The following LIFR variants were observed in gnomAD, a reference collection of about 807,000 sequenced individuals.
LIFR encodes LIF receptor subunit alpha, also known as leukemia inhibitory factor receptor.
A neutral mutation model predicts 122.2 loss-of-function variants in LIFR; 84 were observed. The ratio of observed to expected loss-of-function variants is 0.69; its 90% CI spans 0.58 to 0.82. The LOEUF (loss-of-function observed/expected upper bound fraction) is 0.82, where lower values mean the gene tolerates loss of function less well. Ranked by LOEUF, LIFR falls within the 40% of genes least tolerant of loss-of-function variation. The pLI, the probability that LIFR is intolerant of heterozygous loss-of-function variation, is 0.00. For synonymous variants in LIFR, 422 were observed against 434.7 expected, an observed-to-expected ratio of 0.97 and a Z score of 0.36; for missense variants, 1,294 against 1,311.6, an observed-to-expected ratio of 0.99 and a Z score of 0.21.
upstream of LIFR, among the ~76,000 whole-genome samples, chr5:38,597,803 C>T (rs1007294172): frequency 5.3e-5 from 8 of 152,150 alleles, no homozygotes; most frequent in Non-Finnish European, 1.2e-4. Flanking sequence ...GCAAGTATTT[C>T]ATGGGCTTAG....
At chr5:38,568,749 C>T (rs528477046) in intron 1 of LIFR, among the ~76,000 whole-genome samples, 2 of 152,142 alleles carry the variant, frequency 1.3e-5, no homozygotes, top group Admixed American at 1.3e-4. Context: ...TATAATGCAC[C>T]TTACAGCCAT....
intron 8 of LIFR, 139 bp downstream of exon 8, chr5:38,506,364 A>G (rs1018662551): frequency 1.9e-5 from 19 of 988,096 alleles, no homozygotes; most frequent in East Asian, 1.7e-4. Context: ...TGCAGTGCTT[A>G]TAAGTGTAAT....
intron 9 of LIFR, among the ~76,000 whole-genome samples, chr5:38,505,401 T>TACACACACACACAC (rs58882043): frequency 7.2e-6 from 1 of 139,388 alleles, no homozygotes; most frequent in African/African-American, 2.7e-5. Context: ...TGCATAGAAC[T>TACACACACACACAC]ACACACACAC....
upstream of LIFR, among the ~76,000 whole-genome samples, chr5:38,600,375 A>G (rs1023466027): frequency 6.6e-6 from 1 of 152,162 alleles, no homozygotes; most frequent in Non-Finnish European, 1.5e-5. Context: ...CAAATACTCT[A>G]CAGAGTTTGA....
At chr5:38,506,838 A>G (rs1324199020) in intron 7 of LIFR, among the ~76,000 whole-genome samples, 1 of 152,216 alleles carries the variant, frequency 6.6e-6, no homozygotes, top group Non-Finnish European at 1.5e-5. Context: ...AGATTAAAAT[A>G]TACTGAAAAA....
chr5:38,565,713 A>C (rs1478789078), intron 1 of LIFR, among the ~76,000 whole-genome samples: 1 of 151,472 alleles, frequency 6.6e-6, no homozygotes, highest in Non-Finnish European at 1.5e-5. Flanking sequence ...TCAGCCTCCC[A>C]AGTAGCTGGG....
At chr5:38,512,876 G>A (rs969770553) in intron 5 of LIFR, among the ~76,000 whole-genome samples, 3 of 152,162 alleles carry the variant, frequency 2.0e-5, no homozygotes, top group Non-Finnish European at 4.4e-5. Context: ...AAGTCAAGGA[G>A]AGGGGCAGCA....
At chr5:38,505,817 C>T in intron 9 of LIFR, 88 bp downstream of exon 9, 2 of 690,854 alleles carry the variant, frequency 2.9e-6, no homozygotes, top group Non-Finnish European at 4.6e-6. Context: ...AAATAATCAG[C>T]AAAAAGTAAT....
intron 14 of LIFR, among the ~76,000 whole-genome samples, chr5:38,492,797 G>A (rs1258797461): frequency 6.6e-6 from 1 of 152,148 alleles, no homozygotes; most frequent in Non-Finnish European, 1.5e-5. Context: ...GAATGATCAC[G>A]AAGCATCACT....
upstream of LIFR, among the ~76,000 whole-genome samples, chr5:38,598,258 TTC>T (rs1276623321): frequency 0.06 from 3,199 of 53,500 alleles, 743 homozygotes; most frequent in Non-Finnish European, 0.077. Flanking sequence ...TTTTTTTTTT[TTC>T]TTTTTAGAGG....
At chr5:38,527,728 TTTC>T (rs1746770556) in intron 3 of LIFR, among the ~76,000 whole-genome samples, 1 of 152,172 alleles carries the variant, frequency 6.6e-6, no homozygotes, top group Non-Finnish European at 1.5e-5. Flanking sequence ...TGGCTCATGG[TTTC>T]TTCTTAACAG....
intron 1 of LIFR, among the ~76,000 whole-genome samples, chr5:38,573,009 C>A (rs938587666): frequency 3.3e-5 from 5 of 152,196 alleles, no homozygotes; most frequent in Admixed American, 1.3e-4. Context: ...GTGTTCTAAC[C>A]ATTGATCCAC....
intron 1 of LIFR, among the ~76,000 whole-genome samples, chr5:38,545,746 C>T (rs1243477396): frequency 6.6e-6 from 1 of 151,258 alleles, no homozygotes; most frequent in Non-Finnish European, 1.5e-5. Flanking sequence ...CCTGTAGTCC[C>T]AGCTATGTGG....
At chr5:38,600,218 AC>A (rs1750197541), upstream of LIFR, among the ~76,000 whole-genome samples, 1 of 152,188 alleles carries the variant, frequency 6.6e-6, no homozygotes, top group Non-Finnish European at 1.5e-5. Flanking sequence ...TGTACATCTT[AC>A]ATGTGTTTGA....
intron 1 of LIFR, among the ~76,000 whole-genome samples, chr5:38,536,218 T>A (rs965391289): frequency 6.6e-6 from 1 of 152,150 alleles, no homozygotes; most frequent in Non-Finnish European, 1.5e-5. Context: ...TAAGGTTTTT[T>A]AAGAATGAAA....
At chr5:38,547,958 T>C (rs936569353) in intron 1 of LIFR, among the ~76,000 whole-genome samples, 1 of 152,100 alleles carries the variant, frequency 6.6e-6, no homozygotes, top group Admixed American at 6.6e-5. Flanking sequence ...AAATATAGTA[T>C]CATAATCTAA....
At position 38,481,967 on chromosome 5, in the gene LIFR, G is replaced by A; in HGVS notation, c.2922C>T (p.Tyr974=). The A allele has an allele frequency of 6.2e-7, 1 of 1,614,144 alleles. No individual in the cohort carries two copies. The highest frequency in any genetic ancestry group is 1.1e-5 in the South Asian group (1 of 91,072). ...DEAGGTAQVI[Y]IDVQSMYQPQ... is the part of the protein sequence containing the mutation. ...GCTGATACATCGACTGAACATCAATGTAAATAACCTGTGCAGTCCCTCCAG... is the reference window on the plus strand; with the variant it reads ...GCTGATACATCGACTGAACATCAATATAAATAACCTGTGCAGTCCCTCCAG... The change falls in exon 20 of 20, where the codon TAC becomes TAT. Residue 974 remains tyrosine (Y), a synonymous_variant. Transcript: ENST00000453190.
Position 38,481,750 on chromosome 5 carries a change from A to G in LIFR, c.3139T>C (p.Ser1047Pro). 1 of 1,614,134 alleles carries G rather than the reference A, an allele frequency of 6.2e-7. No homozygotes were observed. Among genetic ancestry groups the G allele is most frequent in the South Asian group, 1.1e-5 (1 of 91,076 alleles). The change falls in exon 20 of 20, where the codon TCC (serine) becomes CCC (proline). Residue 1047 changes from serine (S) to proline (P), a missense_variant. By Grantham distance (74) the Ser-to-Pro change is moderately conservative (BLOSUM62 -1). Coordinates refer to ENST00000453190, the MANE Select transcript of LIFR (RefSeq NM_001127671.2). ...ACAATCTCACTGTTGCTGTCTATGG[A>G]TCTAGGAGAGTCTGGAGACACTAAA... ...WNLVSPDSPR[S>P]IDSNSEIVSF...
chr5:38,521,784 G>A (rs79695651), intron 5 of LIFR, among the ~76,000 whole-genome samples: 4 of 152,236 alleles, frequency 2.6e-5, no homozygotes, highest in East Asian at 1.9e-4. Flanking sequence ...CTTCAGGCCC[G>A]CAGGTAGCAT....
Sources: gnomAD v4.1 joint callset for allele counts (sites outside exome capture counted in the v4.1 genomes callset) on GRCh38, gnomAD v4.1.1 for gene constraint, MANE v1.5 for transcripts, NCBI Gene and HGNC (gene_info 2026-07-23, HGNC 2026-07-21) for gene names.